EVC2: variants seen among roughly 807,000 people sequenced by gnomAD.
EVC2 encodes EvC ciliary complex subunit 2, also known as limbin.
In EVC2, 148 loss-of-function variants were observed where a neutral mutation model predicts 149.3. The ratio of observed to expected loss-of-function variants is 0.99; its 90% CI spans 0.87 to 1.14. EVC2 has a LOEUF of 1.14. Among genes scored for constraint, EVC2 ranks in the 50% most tolerant of loss-of-function variants. The pLI is 0.00. For synonymous variants in EVC2, 776 were observed against 649.9 expected, an observed-to-expected ratio of 1.19 and a Z score of -2.95; for missense variants, 1,854 against 1,627.3, an observed-to-expected ratio of 1.14 and a Z score of -2.40.
chr4:5,635,482 G>A (rs1161294544), intron 10 of EVC2, among the ~76,000 whole-genome samples: 3 of 150,458 alleles, frequency 2.0e-5, no homozygotes, highest in Non-Finnish European at 4.4e-5. Context: ...AGTGTCCCAT[G>A]GAGGGAGTAG....
chr4:5,632,180 A>C, intron 10 of EVC2, 148 bp from the exon 11 acceptor site: 1 of 1,092,584 alleles, frequency 9.2e-7, no homozygotes, highest in Non-Finnish European at 1.3e-6. Context: ...CAATATATAC[A>C]CACATGCGCA....
At chr4:5,705,640 T>C (rs1191987836) in intron 1 of EVC2, among the ~76,000 whole-genome samples, 2 of 152,204 alleles carry the variant, frequency 1.3e-5, no homozygotes, top group East Asian at 3.8e-4. Context: ...ACCTCATCTA[T>C]GTCTGAGTTA....
downstream of EVC2, among the ~76,000 whole-genome samples, chr4:5,541,007 T>G (rs1040289647): frequency 6.6e-6 from 1 of 152,314 alleles, no homozygotes; most frequent in African/African-American, 2.4e-5. Context: ...TTCCCCATCA[T>G]TGCACACTCA....
At chr4:5,591,174 C>A (rs1253865425) in intron 16 of EVC2, among the ~76,000 whole-genome samples, 1 of 152,142 alleles carries the variant, frequency 6.6e-6, no homozygotes, top group Non-Finnish European at 1.5e-5. Context: ...ATTCATGACT[C>A]CTCCTATAGC....
chr4:5,577,694 G>A (rs1167600091), intron 17 of EVC2, among the ~76,000 whole-genome samples: 1 of 152,104 alleles, frequency 6.6e-6, no homozygotes, highest in Non-Finnish European at 1.5e-5. Flanking sequence ...CTATAGCATG[G>A]ACACCATCGC....
Position 5,631,801 on chromosome 4 carries a change from T to C in EVC2, c.1702A>G (p.Lys568Glu), listed in dbSNP as rs769178878. ...AAKMLLQNYS[K>E]IQENVEELMD... ...CGAGGCTGATGTATTACCTGTATTT[T>C]AGAATAATTTTGCAGCAGCATTTTA... Residue 568 changes from lysine to glutamate, a missense_variant, in exon 11 of 22, where the codon AAA becomes GAA. Lys to Glu is a moderately conservative substitution (Grantham distance 56). Transcript: ENST00000344408. The C allele has an allele frequency of 6.2e-6, 10 of 1,614,024 alleles. No individual in the cohort carries two copies. The highest frequency in any genetic ancestry group is 8.5e-6 in the Non-Finnish European group (10 of 1,179,850).
At chr4:5,655,650 A>G (rs958031455) in intron 9 of EVC2, among the ~76,000 whole-genome samples, 1 of 152,000 alleles carries the variant, frequency 6.6e-6, no homozygotes, top group Non-Finnish European at 1.5e-5. Flanking sequence ...CAACTCGCGC[A>G]TCACAGACTG....
At chr4:5,589,244 C>A (rs1024255939) in intron 16 of EVC2, among the ~76,000 whole-genome samples, 3 of 152,210 alleles carry the variant, frequency 2.0e-5, no homozygotes, top group Non-Finnish European at 4.4e-5. Context: ...ATTTCCATTG[C>A]CGAGGCAAGA....
chr4:5,687,205 C>T lies in EVC2; in HGVS notation c.707-1726G>A, dbSNP rs1030896256. On this transcript the variant is annotated intron_variant, in intron 5 of 21. Transcript: ENST00000344408. ...TCGGCAGGTGGAGGTTGCAGTGAGC[C>T]GAGATTGTGCCACTGCACTCTAGGC... Among the ~76,000 whole-genome samples the T allele has an allele frequency of 8.4e-4, 128 of 151,786 alleles. 1 individual carries two copies. The highest frequency in any genetic ancestry group is 2.8e-3 in the African/African-American group (114 of 41,288).
At chr4:5,594,253 C>T (rs562736611) in intron 16 of EVC2, among the ~76,000 whole-genome samples, 70 of 152,312 alleles carry the variant, frequency 4.6e-4, no homozygotes, top group African/African-American at 1.5e-3. Flanking sequence ...GATCTGAGAA[C>T]GGGCAGACTG....
intron 12 of EVC2, among the ~76,000 whole-genome samples, chr4:5,626,502 T>A (rs1429237258): frequency 1.3e-5 from 2 of 151,944 alleles, no homozygotes; most frequent in Non-Finnish European, 2.9e-5. Context: ...CCAGCTAATT[T>A]TTTTTGTATT....
At chr4:5,692,638 C>A (rs1721190183) in intron 3 of EVC2, among the ~76,000 whole-genome samples, 1 of 151,474 alleles carries the variant, frequency 6.6e-6, no homozygotes, top group African/African-American at 2.4e-5. Context: ...GAGGCCGAGG[C>A]GGGTGGATCA....
At chr4:5,593,726 G>C (rs1327604709) in intron 16 of EVC2, among the ~76,000 whole-genome samples, 1 of 152,194 alleles carries the variant, frequency 6.6e-6, no homozygotes, top group East Asian at 1.9e-4. Context: ...GCGCAGGACA[G>C]TGGGTACAGT....
intron 9 of EVC2, among the ~76,000 whole-genome samples, chr4:5,652,680 G>A (rs546095985): frequency 6.6e-6 from 1 of 152,272 alleles, no homozygotes; most frequent in South Asian, 2.1e-4. Context: ...AGCCTTAGAT[G>A]AGGATTCTTG....
At chr4:5,530,964 T>A in the EVC2 span, among the ~76,000 whole-genome samples, 2 of 152,218 alleles carry the variant, frequency 1.3e-5, no homozygotes, top group Admixed American at 1.3e-4. Context: ...AGTCCTCATG[T>A]CCTGATAGTA....
At chr4:5,568,311 A>G (rs1722423670) in intron 20 of EVC2, 133 bp downstream of exon 20, 1 of 938,672 alleles carries the variant, frequency 1.1e-6, no homozygotes, top group South Asian at 1.8e-5. Flanking sequence ...TTAAGATTCT[A>G]TTTAAAAAAT....
At chr4:5,660,639 G>A (rs1369569766) in intron 9 of EVC2, among the ~76,000 whole-genome samples, 5 of 152,200 alleles carry the variant, frequency 3.3e-5, no homozygotes, top group Non-Finnish European at 7.3e-5. Flanking sequence ...TTTATGGTCT[G>A]CTAATCTGAC....
intron 2 of EVC2, among the ~76,000 whole-genome samples, chr4:5,695,999 C>T (rs74425424): frequency 0.03 from 4,608 of 152,180 alleles, 215 homozygotes; most frequent in African/African-American, 0.1. Flanking sequence ...GATAAGGGCT[C>T]CAATTGCATC....
intron 9 of EVC2, among the ~76,000 whole-genome samples, chr4:5,644,736 A>G (rs1321732052): frequency 2.6e-5 from 4 of 152,162 alleles, no homozygotes; most frequent in Non-Finnish European, 5.9e-5. Context: ...TATCTTCACA[A>G]GGTCCACTTT....
Sources: gnomAD v4.1 joint callset for allele counts (sites outside exome capture counted in the v4.1 genomes callset) on GRCh38, gnomAD v4.1.1 for gene constraint, MANE v1.5 for transcripts, NCBI Gene and HGNC (gene_info 2026-07-23, HGNC 2026-07-21) for gene names.